Variants in HYCC1 observed in about 807,000 individuals in gnomAD.
HYCC1 encodes the protein hyccin.
At chr7:22,964,501 A>G in the HYCC1 span, 1 of 1,608,080 alleles carries the variant, frequency 6.2e-7, no homozygotes, top group Admixed American at 1.7e-5. Context: ...ATTTTCTTAC[A>G]TGTTGTCGAG....
chr7:22,973,318 T>C, the HYCC1 span, among the ~76,000 whole-genome samples: 3 of 152,218 alleles, frequency 2.0e-5, no homozygotes, highest in African/African-American at 7.2e-5. Flanking sequence ...TCTTTTCTAT[T>C]CATCTTAGAA....
chr7:22,901,446 G>C, the HYCC1 span, among the ~76,000 whole-genome samples: 1 of 151,968 alleles, frequency 6.6e-6, no homozygotes, highest in Non-Finnish European at 1.5e-5. Context: ...GACGAAGATT[G>C]GCAGAGTGGA....
chr7:22,948,588 C>T, the HYCC1 span, among the ~76,000 whole-genome samples: 1 of 151,982 alleles, frequency 6.6e-6, no homozygotes, highest in Non-Finnish European at 1.5e-5. Flanking sequence ...ATTTTAAAAA[C>T]TTAAGATAAA....
At chr7:22,998,484 A>T in the HYCC1 span, among the ~76,000 whole-genome samples, 2 of 152,184 alleles carry the variant, frequency 1.3e-5, no homozygotes, top group African/African-American at 4.8e-5. Context: ...AATTTTTTTC[A>T]AATAAAAATT....
At chr7:22,963,350 A>G in the HYCC1 span, among the ~76,000 whole-genome samples, 7 of 152,250 alleles carry the variant, frequency 4.6e-5, no homozygotes, top group African/African-American at 1.7e-4. Context: ...ATTTCAGCAA[A>G]GAGACGGGAA....
the HYCC1 span, among the ~76,000 whole-genome samples, chr7:22,963,713 A>G: frequency 6.6e-6 from 1 of 152,182 alleles, no homozygotes; most frequent in African/African-American, 2.4e-5. Flanking sequence ...ACATAAACAA[A>G]CACGCATGAC....
At chr7:22,915,577 G>A in the HYCC1 span, among the ~76,000 whole-genome samples, 2 of 152,214 alleles carry the variant, frequency 1.3e-5, no homozygotes, top group Non-Finnish European at 2.9e-5. Flanking sequence ...TCTCGGCTTA[G>A]CGGCTTAAGA....
At chr7:22,901,175 T>C in the HYCC1 span, among the ~76,000 whole-genome samples, 1 of 126,728 alleles carries the variant, frequency 7.9e-6, no homozygotes, top group Non-Finnish European at 1.6e-5. Flanking sequence ...AAGCCATGAT[T>C]GCACCACTGC....
At chr7:22,982,500 A>T in the HYCC1 span, among the ~76,000 whole-genome samples, 2 of 152,156 alleles carry the variant, frequency 1.3e-5, no homozygotes, top group Non-Finnish European at 2.9e-5. Flanking sequence ...AGATACATAG[A>T]TCCATATTGG....
the HYCC1 span, among the ~76,000 whole-genome samples, chr7:22,987,521 T>A: frequency 6.6e-6 from 1 of 152,210 alleles, no homozygotes; most frequent in Non-Finnish European, 1.5e-5. Flanking sequence ...GCACTCCAGC[T>A]TGGGTGACAG....
the HYCC1 span, among the ~76,000 whole-genome samples, chr7:22,992,176 G>A: frequency 4.6e-5 from 7 of 151,750 alleles, no homozygotes; most frequent in South Asian, 2.1e-4. Flanking sequence ...AGCTGTCTAC[G>A]AAAGTATCCA....
chr7:22,922,626 AC>A, the HYCC1 span, among the ~76,000 whole-genome samples: 1 of 152,238 alleles, frequency 6.6e-6, no homozygotes, highest in South Asian at 2.1e-4. Context: ...CATAAGTTGA[AC>A]CATTATAAGT....
the HYCC1 span, among the ~76,000 whole-genome samples, chr7:23,001,438 C>T: frequency 1.3e-5 from 2 of 152,084 alleles, no homozygotes; most frequent in African/African-American, 4.8e-5. Context: ...AAAACCTTTC[C>T]CTTGTCTCAT....
the HYCC1 span, chr7:22,983,847 T>C: frequency 1.3e-6 from 1 of 747,246 alleles, no homozygotes; most frequent in Non-Finnish European, 2.4e-6. Flanking sequence ...TCTTTAAACA[T>C]ATACATTTTC....
the HYCC1 span, among the ~76,000 whole-genome samples, chr7:22,933,045 T>C: frequency 8.5e-5 from 13 of 152,292 alleles, no homozygotes; most frequent in Middle Eastern, 3.4e-3. Flanking sequence ...AGTTAGGAAG[T>C]AGCAAGAAAA....
the HYCC1 span, among the ~76,000 whole-genome samples, chr7:22,962,755 G>A: frequency 3.1e-5 from 4 of 128,556 alleles, no homozygotes; most frequent in African/African-American, 1.2e-4. Flanking sequence ...CCATTTCCAT[G>A]CCCCCCCACC....
At chr7:23,005,906 T>C in the HYCC1 span, among the ~76,000 whole-genome samples, 2 of 152,226 alleles carry the variant, frequency 1.3e-5, no homozygotes, top group African/African-American at 4.8e-5. Context: ...TTCCTCTCCA[T>C]TTCCCTATCA....
chr7:22,956,746 G>A, the HYCC1 span, among the ~76,000 whole-genome samples: 2 of 151,632 alleles, frequency 1.3e-5, no homozygotes, highest in Non-Finnish European at 3.0e-5. Flanking sequence ...CAATTTGGCT[G>A]TTAACCTAAA....
the HYCC1 span, chr7:22,964,354 G>T: frequency 2.2e-4 from 208 of 945,424 alleles, no homozygotes; most frequent in African/African-American, 2.7e-3. Flanking sequence ...GACAATAGAT[G>T]AACAGACTAT....
Sources: allele counts gnomAD v4.1 joint callset (sites outside exome capture counted in the v4.1 genomes callset), GRCh38; gene constraint gnomAD v4.1.1; transcripts MANE v1.5; gene names NCBI Gene and HGNC (gene_info 2026-07-23, HGNC 2026-07-21).